The following MARK2 variants were observed in gnomAD, a reference collection of about 807,000 sequenced individuals.
MARK2 encodes serine/threonine-protein kinase MARK2.
MARK2 carries 16 observed loss-of-function variants against 89.8 expected under a neutral mutation model. That is an observed-to-expected ratio of 0.18 (90% CI 0.12 to 0.27). The LOEUF is 0.27. MARK2 is among the 10% of genes least tolerant of loss of function. The pLI is 1.00. For missense variants in MARK2, 621 were observed against 1,049.9 expected, an observed-to-expected ratio of 0.59 and a Z score of 5.65; for synonymous variants, 382 against 399.5, an observed-to-expected ratio of 0.96 and a Z score of 0.52.
At chr11:63,865,003 C>T (rs1455074593) in intron 1 of MARK2, among the ~76,000 whole-genome samples, 2 of 152,188 alleles carry the variant, frequency 1.3e-5, no homozygotes, top group Non-Finnish European at 2.9e-5. Context: ...AATCCTCCCA[C>T]CTCAGCCTCC....
Position 63,903,423 on chromosome 11 carries a change from G to A in MARK2, c.1514+265G>A, listed in dbSNP as rs1169640251. Reference sequence around the variant, plus strand: ...GCTACATGCTCGCTTCTTGACCACGGCCAGGGCATGGCAGCTGCCCTCCTC... The same window carrying A: ...GCTACATGCTCGCTTCTTGACCACGACCAGGGCATGGCAGCTGCCCTCCTC... On this transcript the variant is annotated intron_variant, in intron 14 of 18. Coordinates refer to ENST00000402010, the MANE Select transcript of MARK2 (RefSeq NM_001039469.3). This position sits in a 1 kb window ranked among gnomAD's most constrained non-coding sequence, Gnocchi z 5.1. 7 of 485,232 alleles carry A rather than the reference G, an allele frequency of 1.4e-5. No individual in the cohort carries two copies. Among genetic ancestry groups the A allele is most frequent in the South Asian group, 2.1e-5 (1 of 48,670 alleles). 30.1% of individuals were successfully genotyped at this position (485,232 alleles called of 1,614,324 possible).
intron 1 of MARK2, among the ~76,000 whole-genome samples, chr11:63,886,190 G>A (rs12277481): frequency 1.3e-4 from 19 of 151,064 alleles, no homozygotes; most frequent in African/African-American, 4.2e-4. Flanking sequence ...GCAGTGGCAC[G>A]ATCATAGCTC....
rs1321094073 is a variant in MARK2 at position 63,904,775 on chromosome 11, T to C, written c.1677-11T>C. ...AATTCGTCCCCCTCAACCCCACTTC[T>C]CTTCCCACAGCACAGCCCCCCAGCG... On this transcript the variant is annotated splice_polypyrimidine_tract_variant and intron_variant, in intron 15 of 18. Transcript: ENST00000402010. This position sits in a 1 kb window ranked among gnomAD's most constrained non-coding sequence, Gnocchi z 6.3. 6.2e-7 allele frequency: 1 copy of C among 1,612,366 alleles called. No homozygotes were observed. The highest frequency in any genetic ancestry group is 1.7e-5 in the Admixed American group (1 of 59,990).
At chr11:63,890,178 TCTCTC>T (rs764881307) in intron 1 of MARK2, 2 of 1,246,876 alleles carry the variant, frequency 1.6e-6, no homozygotes, top group East Asian at 9.5e-5. Context: ...TGTTGGAGAC[TCTCTC>T]CTCTCTTTTC....
At chr11:63,896,814 A>C (rs956035647) in intron 3 of MARK2, among the ~76,000 whole-genome samples, 2 of 152,148 alleles carry the variant, frequency 1.3e-5, no homozygotes, top group African/African-American at 4.8e-5. Flanking sequence ...CCAGCCCCAC[A>C]GAAGAAGTCA....
At chr11:63,843,947 T>C (rs2016149810) in intron 1 of MARK2, among the ~76,000 whole-genome samples, 1 of 152,184 alleles carries the variant, frequency 6.6e-6, no homozygotes, top group South Asian at 2.1e-4. Context: ...GTCCACACTC[T>C]GAGCTGTGCA....
Position 63,909,053 on chromosome 11 carries a change from A to C in MARK2, c.2183A>C (p.His728Pro). 6.2e-7 allele frequency: 1 copy of C among 1,604,288 alleles called. No homozygotes were observed. The highest frequency in any genetic ancestry group is 1.1e-5 in the South Asian group (1 of 90,908). ...LDANSCQSEL[H>P]EKYMLLCMHG... ...GCGAACAGCTGCCAGAGCGAGCTGC[A>C]TGAGAAGTACATGCTGCTGTGCATG... The change falls in exon 19 of 19, where the codon CAT becomes CCT. Residue 728 changes from histidine (H) to proline (P), a missense_variant. By Grantham distance (77) the His-to-Pro change is moderately conservative. Coordinates refer to ENST00000402010, the MANE Select transcript of MARK2 (RefSeq NM_001039469.3).
At chr11:63,839,983 C>G (rs976253022) in intron 1 of MARK2, among the ~76,000 whole-genome samples, 2 of 152,196 alleles carry the variant, frequency 1.3e-5, no homozygotes, top group African/African-American at 4.8e-5. Context: ...TCCTGCCTCG[C>G]TTCCCCTCCG....
At chr11:63,901,125 T>A in intron 11 of MARK2, 56 bp downstream of exon 11, 1 of 1,155,078 alleles carries the variant, frequency 8.7e-7, no homozygotes, top group Non-Finnish European at 1.3e-6. Flanking sequence ...CTGTAGCACC[T>A]ATGCTTCTAA....
At chr11:63,850,946 A>G (rs1182236095) in intron 1 of MARK2, among the ~76,000 whole-genome samples, 1 of 152,152 alleles carries the variant, frequency 6.6e-6, no homozygotes, top group African/African-American at 2.4e-5. Flanking sequence ...TTACACACTC[A>G]GCCATGTTCC....
At chr11:63,892,196 T>TC (rs775598403) in intron 1 of MARK2, among the ~76,000 whole-genome samples, 1 of 151,958 alleles carries the variant, frequency 6.6e-6, no homozygotes, top group Non-Finnish European at 1.5e-5. Context: ...GTGAGGAGCC[T>TC]CCCCCTTCAA....
At chr11:63,896,134 G>C (rs930713112) in intron 3 of MARK2, among the ~76,000 whole-genome samples, 8 of 152,326 alleles carry the variant, frequency 5.3e-5, no homozygotes, top group Admixed American at 4.6e-4. Context: ...TGGATCATCT[G>C]TGGTGACTCC....
Position 63,875,592 on chromosome 11 carries a change from G to A in MARK2, c.55-19567G>A, listed in dbSNP as rs182540905. The stretch of plus-strand genomic sequence containing the variant: ...TCACCCTAAAATTTCTAGTTCTGGC[G>A]TCTTGTTTATCTTTCTCAAATCCTG... On this transcript the variant is annotated intron_variant, in intron 1 of 18. Transcript: ENST00000402010. Among the ~76,000 whole-genome samples, 414 of 152,248 alleles carry A rather than the reference G, an allele frequency of 2.7e-3. 2 individuals carry two copies. Among genetic ancestry groups the A allele is most frequent in the African/African-American group, 9.6e-3 (398 of 41,550 alleles).
At chr11:63,843,682 C>T (rs2016133520) in intron 1 of MARK2, among the ~76,000 whole-genome samples, 1 of 151,372 alleles carries the variant, frequency 6.6e-6, no homozygotes, top group Non-Finnish European at 1.5e-5. Flanking sequence ...TGGAGTGTAG[C>T]GATGCGATCT....
At chr11:63,858,287 A>G (rs1025015678) in intron 1 of MARK2, among the ~76,000 whole-genome samples, 14 of 152,110 alleles carry the variant, frequency 9.2e-5, no homozygotes, top group African/African-American at 3.4e-4. Context: ...AAGTGCTAGG[A>G]TTACGGGCAT....
chr11:63,844,209 A>C (rs568928633), intron 1 of MARK2, among the ~76,000 whole-genome samples: 17 of 152,368 alleles, frequency 1.1e-4, no homozygotes, highest in Non-Finnish European at 2.1e-4. Context: ...GTCAGGCACC[A>C]TGGCTCATGC....
chr11:63,891,688 G>A (rs1379772753), intron 1 of MARK2, among the ~76,000 whole-genome samples: 1 of 152,248 alleles, frequency 6.6e-6, no homozygotes, highest in Non-Finnish European at 1.5e-5. Flanking sequence ...TGAACTAGAG[G>A]TTGCCAAGGA....
At position 63,910,517 on chromosome 11, in the gene MARK2, C is replaced by T. The variant is rs1290858225; in HGVS notation, c.*1280C>T. The T allele has an allele frequency of 6.6e-6, 1 of 152,244 alleles. No individual in the cohort carries two copies. The highest frequency in any genetic ancestry group is 1.5e-5 in the Non-Finnish European group (1 of 68,064). The allele number at this position is 152,244 out of a possible 1,614,324, so 9.4% of individuals were successfully genotyped here. ...GGCGCTTGGCTGGTGGTGGCCACTG[C>T]ATCCCTTAATTTATTTCTCTGCTGT... On this transcript the variant is annotated 3_prime_UTR_variant, in exon 19 of 19. Coordinates refer to ENST00000402010, the MANE Select transcript of MARK2 (RefSeq NM_001039469.3).
rs371393398 is a variant in MARK2, at chr11:63,908,943, C to T, written c.2073C>T (p.Arg691=). The T allele has an allele frequency of 2.0e-5, 31 of 1,530,054 alleles. No homozygotes were observed. The African/African-American group carries it at 4.1e-4, about 20-fold the overall frequency. The allele number at this position is 1,530,054 out of a possible 1,614,324, so 94.8% of individuals were successfully genotyped here. A position where few individuals can be genotyped will look rare whatever the true frequency, so the allele number is the denominator to read the frequency against. The stretch of plus-strand genomic sequence containing the variant: ...AAGAATTTCGGGAGGCCAAGCCCCG[C>T]TCCCTCCGCTTCACGTGGAGTATGA... ...EKEEFREAKP[R]SLRFTWSMKT... The change falls in exon 19 of 19, where the codon CGC becomes CGT. Residue 691 remains arginine (R), a synonymous_variant. Coordinates refer to ENST00000402010, the MANE Select transcript of MARK2 (RefSeq NM_001039469.3).
Sources: allele counts gnomAD v4.1 joint callset (sites outside exome capture counted in the v4.1 genomes callset), GRCh38; gene constraint gnomAD v4.1.1; non-coding constraint Gnocchi (gnomAD v3.1); transcripts MANE v1.5; gene names NCBI Gene and HGNC (gene_info 2026-07-23, HGNC 2026-07-21).